Variants in ABCC3 observed in about 807,000 individuals in gnomAD.
The protein encoded by ABCC3 is ATP-binding cassette sub-family C member 3.
ABCC3 carries 121 observed loss-of-function variants against 165.3 expected under a neutral mutation model. The observed-to-expected ratio is 0.73, with a 90% CI of 0.63 to 0.85. ABCC3 has a LOEUF of 0.85. ABCC3 is among the 40% of genes least tolerant of loss of function. The pLI is 0.00. For missense variants in ABCC3, 1,869 were observed against 1,964.1 expected, an observed-to-expected ratio of 0.95 and a Z score of 0.92; for synonymous variants, 733 against 810.1, an observed-to-expected ratio of 0.90 and a Z score of 1.62.
Position 50,679,785 on chromosome 17 carries a change from T to C in ABCC3, c.3706-13T>C, listed in dbSNP as rs1266630599. On this transcript the variant is annotated splice_polypyrimidine_tract_variant and intron_variant, in intron 25 of 30. Transcript: ENST00000285238. Reference sequence around the variant, plus strand: ...GGAGATCGCCATACGTATAACCCAGTCCCTTTGGCCAGGTGACATTTGCTC... The same window carrying C: ...GGAGATCGCCATACGTATAACCCAGCCCCTTTGGCCAGGTGACATTTGCTC... 1.9e-6 allele frequency: 3 copies of C among 1,612,872 alleles called. No homozygotes were observed.
At chr17:50,672,313 T>C (rs1967665486) in intron 17 of ABCC3, among the ~76,000 whole-genome samples, 1 of 152,242 alleles carries the variant, frequency 6.6e-6, no homozygotes, top group South Asian at 2.1e-4. Context: ...CATAATGTCC[T>C]CAAGGCATAT....
At chr17:50,659,977 C>T (rs1255406171) in intron 7 of ABCC3, among the ~76,000 whole-genome samples, 1 of 152,144 alleles carries the variant, frequency 6.6e-6, no homozygotes. Context: ...TAGAGTGAGA[C>T]CTTTTCTCAA....
chr17:50,653,079 C>T (rs777281442), intron 1 of ABCC3, among the ~76,000 whole-genome samples: 2 of 152,196 alleles, frequency 1.3e-5, no homozygotes, highest in African/African-American at 2.4e-5. Flanking sequence ...GGCACGGTGG[C>T]TCACGCCTGT....
rs1298402286 is a variant in ABCC3 at position 50,667,886 on chromosome 17, G to A, written c.1659G>A (p.Val553=). Residue 553 remains valine (V), a synonymous_variant, in exon 13 of 31, where the codon GTG becomes GTA. Coordinates refer to ENST00000285238, the MANE Select transcript of ABCC3 (RefSeq NM_003786.4). ...AGGTGACCCTGATCACCCTCTGGGTGTACGTGTACGTGGACCCAAACAATG... is the reference window on the plus strand; with the variant it reads ...AGGTGACCCTGATCACCCTCTGGGTATACGTGTACGTGGACCCAAACAATG... The part of the protein sequence containing the change: ...PFLVTLITLW[V]YVYVDPNNVL... 6 of 1,613,946 alleles carry A rather than the reference G, an allele frequency of 3.7e-6. No homozygotes were observed. Among genetic ancestry groups the A allele is most frequent in the East Asian group, 2.2e-5 (1 of 44,884 alleles).
At chr17:50,645,539 T>A (rs1235508114) in intron 1 of ABCC3, among the ~76,000 whole-genome samples, 3 of 152,060 alleles carry the variant, frequency 2.0e-5, no homozygotes, top group Non-Finnish European at 2.9e-5. Context: ...CTACTGAAAG[T>A]TTAAAGGGAT....
chr17:50,646,904 G>A (rs1037579056), intron 1 of ABCC3, among the ~76,000 whole-genome samples: 2 of 152,056 alleles, frequency 1.3e-5, no homozygotes, highest in Non-Finnish European at 2.9e-5. Flanking sequence ...TTTTGAGACG[G>A]AGTCTCCCTC....
chr17:50,673,236 TG>T, intron 18 of ABCC3, 98 bp downstream of exon 18: 4 of 1,479,288 alleles, frequency 2.7e-6, no homozygotes, highest in Admixed American at 1.9e-5. Flanking sequence ...CTTGGAGGTG[TG>T]GGGGGCGCAA....
At chr17:50,660,679 C>CT (rs1967358200) in intron 7 of ABCC3, among the ~76,000 whole-genome samples, 2 of 152,196 alleles carry the variant, frequency 1.3e-5, no homozygotes, top group South Asian at 4.1e-4. Flanking sequence ...GAGGGCCAGA[C>CT]TGGGGGGATA....
rs1305119382 is a variant in ABCC3 at position 50,684,041 on chromosome 17, T to C, written c.4047T>C (p.Ile1349=). The change falls in exon 28 of 31, where the codon ATT becomes ATC. Residue 1349 remains isoleucine, a synonymous_variant. Transcript: ENST00000285238. ...ILEAAKGEIR[I]DGLNVADIGL... is the part of the protein sequence containing the mutation. The stretch of plus-strand genomic sequence containing the variant: ...AGGCGGCAAAGGGTGAAATCCGCAT[T>C]GATGGCCTCAATGTGGCAGACATCG... 2 of 1,612,774 alleles carry C rather than the reference T, an allele frequency of 1.2e-6. No homozygotes were observed. Among genetic ancestry groups the C allele is most frequent in the Non-Finnish European group, 1.7e-6 (2 of 1,179,574 alleles).
intron 18 of ABCC3, 157 bp downstream of exon 18, chr17:50,673,295 TC>T: frequency 2.5e-6 from 3 of 1,214,970 alleles, no homozygotes; most frequent in Non-Finnish European, 3.4e-6. Context: ...TGGGGACAAC[TC>T]CCCCACCTGC....
intron 19 of ABCC3, 123 bp from the exon 20 acceptor site, chr17:50,675,239 C>T (rs4148415): frequency 0.35 from 206,681 of 583,510 alleles, 38,767 homozygotes; most frequent in South Asian, 0.43. Context: ...CCTTTCAATC[C>T]CCCTCATTTT....
intron 30 of ABCC3, among the ~76,000 whole-genome samples, chr17:50,690,614 G>GAGC (rs768620573): frequency 2.7e-4 from 41 of 151,968 alleles, no homozygotes; most frequent in Non-Finnish European, 4.4e-4. Flanking sequence ...GAGACCCACC[G>GAGC]AGCAGCAGCA....
Position 50,654,722 on chromosome 17 carries a change from C to T in ABCC3, c.46-1110C>T, listed in dbSNP as rs577152543. The stretch of plus-strand genomic sequence containing the variant: ...TCAGGGAATCTCCCTATCCCTGACC[C>T]GGGAAAGGCCTTAAGAGAAAGTGGT... On this transcript the variant is annotated intron_variant, in intron 1 of 30. Coordinates refer to ENST00000285238, the MANE Select transcript of ABCC3 (RefSeq NM_003786.4). 5.9e-5 allele frequency among the ~76,000 whole-genome samples: 9 copies of T among 152,180 alleles called. No individual in the cohort carries two copies. The East Asian group carries it at 9.7e-4, about 16-fold the overall frequency.
intron 8 of ABCC3, chr17:50,663,225 C>A: frequency 5.7e-6 from 1 of 174,388 alleles, no homozygotes; most frequent in Non-Finnish European, 1.2e-5. Flanking sequence ...GATTAGGGAC[C>A]TAGAGAAGGT....
chr17:50,656,962 C>T, intron 3 of ABCC3, 84 bp from the exon 4 acceptor site: 1 of 1,559,698 alleles, frequency 6.4e-7, no homozygotes, highest in East Asian at 2.3e-5. Context: ...GCCCCAGAAA[C>T]TTCTGGCCAT....
intron 17 of ABCC3, among the ~76,000 whole-genome samples, chr17:50,671,112 C>T (rs532260694): frequency 2.0e-5 from 3 of 151,926 alleles, no homozygotes; most frequent in East Asian, 1.9e-4. Context: ...ACAAATTAGC[C>T]GAGTGTGATG....
In ABCC3 at chr17:50,673,078, T is replaced by G; in HGVS notation, c.2349T>G (p.Ser783=). The G allele has an allele frequency of 6.2e-7, 1 of 1,614,090 alleles. No individual in the cohort carries two copies. Among genetic ancestry groups the G allele is most frequent in the Non-Finnish European group, 8.5e-7 (1 of 1,180,006 alleles). Residue 783 remains serine (S), a synonymous_variant, in exon 18 of 31, where the codon TCT becomes TCG. Coordinates refer to ENST00000285238, the MANE Select transcript of ABCC3 (RefSeq NM_003786.4). ...LLDDPLSAVD[S]HVAKHIFDHV... ...ATGACCCACTGTCCGCGGTGGACTCTCATGTGGCCAAGCACATCTTTGACC... is the reference window on the plus strand; with the variant it reads ...ATGACCCACTGTCCGCGGTGGACTCGCATGTGGCCAAGCACATCTTTGACC...
chr17:50,642,684 A>G (rs1364889935), intron 1 of ABCC3, among the ~76,000 whole-genome samples: 1 of 152,226 alleles, frequency 6.6e-6, no homozygotes, highest in Non-Finnish European at 1.5e-5. Context: ...TGCATGGCTC[A>G]AAAGTGGCAG....
chr17:50,636,440 G>A (rs1292928544), intron 1 of ABCC3, among the ~76,000 whole-genome samples: 1 of 152,030 alleles, frequency 6.6e-6, no homozygotes, highest in Non-Finnish European at 1.5e-5. Context: ...AGGTTAATCC[G>A]AGATGGTGCA....
Sources: allele counts gnomAD v4.1 joint callset (sites outside exome capture counted in the v4.1 genomes callset), GRCh38; gene constraint gnomAD v4.1.1; transcripts MANE v1.5; gene names NCBI Gene and HGNC (gene_info 2026-07-23, HGNC 2026-07-21).